The following MYO16 variants were observed in gnomAD, a reference collection of about 807,000 sequenced individuals.
The protein encoded by MYO16 is myosin XVI, also known as unconventional myosin-XVI.
A neutral mutation model predicts 205.3 loss-of-function variants in MYO16; 94 were observed. The observed-to-expected ratio is 0.46, with a 90% CI of 0.39 to 0.54. The LOEUF is 0.54. Among genes scored for constraint, MYO16 ranks in the 20% least tolerant of loss-of-function variants. MYO16 has a pLI of 0.00. For synonymous variants in MYO16, 988 were observed against 954.0 expected (o/e 1.04, Z -0.66); for missense variants, 2,315 against 2,387.5 (o/e 0.97, Z 0.63).
intron 34 of MYO16, among the ~76,000 whole-genome samples, chr13:109,198,489 G>A (rs1880255503): frequency 6.6e-6 from 1 of 152,000 alleles, no homozygotes; most frequent in African/African-American, 2.4e-5. Flanking sequence ...ATAAATCATA[G>A]TTATGTTTTA....
intron 16 of MYO16, among the ~76,000 whole-genome samples, chr13:108,956,521 C>CT (rs34656407): frequency 0.74 from 111,786 of 151,170 alleles, 41,413 homozygotes; most frequent in Admixed American, 0.77. Flanking sequence ...ATGACAAACT[C>CT]TTTTTTTTTC....
In MYO16 at chr13:109,206,515, C is replaced by G. The variant is rs574690629; in HGVS notation, c.5416-94C>G. 2.7e-5 allele frequency: 25 copies of G among 937,750 alleles called. No homozygotes were observed. The African/African-American group carries it at 4.1e-4, about 15-fold the overall frequency. The allele number at this position is 937,750 out of a possible 1,614,324, so 58.1% of individuals were successfully genotyped here. A position where few individuals can be genotyped will look rare whatever the true frequency, so the allele number is the denominator to read the frequency against. On this transcript the variant is annotated intron_variant, in intron 34 of 34. Transcript: ENST00000457511. Reference sequence around the variant, plus strand: ...AGAGGCTGCCTCTTTCAGCACCAGTCCTGCCCCTTTGTATCCAGGTGTTGC... The same window carrying G: ...AGAGGCTGCCTCTTTCAGCACCAGTGCTGCCCCTTTGTATCCAGGTGTTGC...
chr13:109,151,955 C>G (rs575766977), intron 32 of MYO16, among the ~76,000 whole-genome samples: 6 of 152,222 alleles, frequency 3.9e-5, no homozygotes, highest in African/African-American at 1.4e-4. Flanking sequence ...GTCAGACTGG[C>G]TTTAACAGCA....
intron 27 of MYO16, among the ~76,000 whole-genome samples, chr13:109,098,012 T>G (rs1203874731): frequency 2.6e-5 from 4 of 152,256 alleles, no homozygotes; most frequent in African/African-American, 9.6e-5. Flanking sequence ...TCAATCTGCT[T>G]TCCCAAATTA....
At chr13:109,047,817 A>G (rs1341158701) in intron 24 of MYO16, among the ~76,000 whole-genome samples, 7 of 152,130 alleles carry the variant, frequency 4.6e-5, no homozygotes, top group Admixed American at 3.3e-4. Flanking sequence ...TAAGAAATCT[A>G]TATCACTTCT....
chr13:108,525,458 C>T, the MYO16 span, among the ~76,000 whole-genome samples: 3 of 152,156 alleles, frequency 2.0e-5, no homozygotes, highest in African/African-American at 7.2e-5. Flanking sequence ...TATTATTTCA[C>T]TTGAATGTGC....
chr13:108,652,375 C>T (rs1413418685), intron 1 of MYO16, among the ~76,000 whole-genome samples: 1 of 152,220 alleles, frequency 6.6e-6, no homozygotes, highest in African/African-American at 2.4e-5. Flanking sequence ...AATCTAGCTG[C>T]TTGTGTCTTA....
chr13:108,668,498 T>A (rs1926541), intron 2 of MYO16, among the ~76,000 whole-genome samples: 47,054 of 152,034 alleles, frequency 0.31, 7,613 homozygotes, highest in African/African-American at 0.41. Flanking sequence ...TCTGTAGGTC[T>A]GAGGTGAGGT....
the MYO16 span, among the ~76,000 whole-genome samples, chr13:108,517,412 G>A: frequency 2.0e-5 from 3 of 152,188 alleles, no homozygotes; most frequent in Non-Finnish European, 2.9e-5. Flanking sequence ...AGAATAACAA[G>A]AGGAAATTTA....
intron 2 of MYO16, among the ~76,000 whole-genome samples, chr13:108,706,323 T>A (rs1475546007): frequency 6.6e-6 from 1 of 152,152 alleles, no homozygotes; most frequent in African/African-American, 2.4e-5. Context: ...GGGTAATATA[T>A]TGAGAGAAAG....
chr13:109,176,196 G>A (rs1427645969), intron 33 of MYO16, among the ~76,000 whole-genome samples: 2 of 151,968 alleles, frequency 1.3e-5, no homozygotes, highest in African/African-American at 4.8e-5. Flanking sequence ...ATGTTACGTA[G>A]TCTCATATCC....
At chr13:109,161,296 T>C (rs1878370178) in intron 32 of MYO16, among the ~76,000 whole-genome samples, 1 of 152,148 alleles carries the variant, frequency 6.6e-6, no homozygotes, top group South Asian at 2.1e-4. Flanking sequence ...ATCCTTTACA[T>C]CAACAAATGA....
intron 16 of MYO16, among the ~76,000 whole-genome samples, chr13:108,949,214 T>G (rs924715883): frequency 2.6e-5 from 4 of 152,156 alleles, no homozygotes; most frequent in Non-Finnish European, 5.9e-5. Flanking sequence ...TCATACTGAT[T>G]GATAAAATTT....
chr13:108,498,489 T>C, the MYO16 span, among the ~76,000 whole-genome samples: 1 of 152,180 alleles, frequency 6.6e-6, no homozygotes, highest in Non-Finnish European at 1.5e-5. Flanking sequence ...CTCTCTCCTC[T>C]CCTTACTCCC....
upstream of MYO16, among the ~76,000 whole-genome samples, chr13:108,624,713 G>GA (rs942021611): frequency 4.0e-5 from 6 of 151,760 alleles, no homozygotes; most frequent in East Asian, 3.9e-4. Context: ...TTTGATTAGG[G>GA]AAAAAAATCA....
chr13:108,789,155 T>C (rs35882099), intron 5 of MYO16, among the ~76,000 whole-genome samples: 12,009 of 152,318 alleles, frequency 0.079, 611 homozygotes, highest in Non-Finnish European at 0.12. Flanking sequence ...CTCTGTGGAA[T>C]GTGTTATTGT....
chr13:108,979,270 A>G (rs1316122501), intron 20 of MYO16, among the ~76,000 whole-genome samples: 4 of 151,482 alleles, frequency 2.6e-5, no homozygotes, highest in Admixed American at 2.6e-4. Flanking sequence ...TCATGAGCTG[A>G]ATATTTGTTT....
intron 2 of MYO16, among the ~76,000 whole-genome samples, chr13:108,688,761 T>C (rs144380395): frequency 0.012 from 1,840 of 152,298 alleles, 16 homozygotes; most frequent in South Asian, 0.042. Flanking sequence ...TGTATAAATT[T>C]ATTAAAGTGC....
chr13:108,800,296 G>A (rs1286997948), intron 6 of MYO16, among the ~76,000 whole-genome samples: 1 of 152,192 alleles, frequency 6.6e-6, no homozygotes, highest in East Asian at 1.9e-4. Context: ...TAGCTTCTCA[G>A]AGTGGTCTCT....
Sources: gnomAD v4.1 joint callset for allele counts (sites outside exome capture counted in the v4.1 genomes callset) on GRCh38, gnomAD v4.1.1 for gene constraint, MANE v1.5 for transcripts, NCBI Gene and HGNC (gene_info 2026-07-23, HGNC 2026-07-21) for gene names.